The following MYO7B variants were observed in gnomAD, a reference collection of about 807,000 sequenced individuals.
MYO7B encodes myosin VIIB, also known as unconventional myosin-VIIb.
In MYO7B, 212 loss-of-function variants were observed where a neutral mutation model predicts 259.7. The ratio of observed to expected loss-of-function variants is 0.82; its 90% CI spans 0.73 to 0.91. The LOEUF (loss-of-function observed/expected upper bound fraction) is 0.91. Ranked by LOEUF, MYO7B falls within the 40% of genes least tolerant of loss-of-function variation. MYO7B has a pLI of 0.00. For synonymous variants in MYO7B, 1,197 were observed against 1,166.4 expected (o/e 1.03, Z -0.54); for missense variants, 2,732 against 2,813.5 (o/e 0.97, Z 0.66).
intron 5 of MYO7B, 121 bp downstream of exon 5, chr2:127,566,948 C>G: frequency 9.6e-7 from 1 of 1,037,064 alleles, no homozygotes; most frequent in Non-Finnish European, 1.4e-6. Flanking sequence ...CCCATCTCCA[C>G]AGCACACAAC....
In MYO7B at chr2:127,582,493, G is replaced by C. The variant is rs1329477382; in HGVS notation, c.1343+47G>C. ...GCCCCACTGCTTCCAGAAAACAGAA[G>C]ATAAGCAGCTCCTCTCGAAGGGGGC... On this transcript the variant is annotated intron_variant, in intron 12 of 47. Coordinates refer to ENST00000409816, the MANE Select transcript of MYO7B (RefSeq NM_001393586.1). 2.5e-6 allele frequency: 4 copies of C among 1,600,490 alleles called. No homozygotes were observed. The African/African-American group carries it at 4.0e-5, about 16-fold the overall frequency.
chr2:127,620,296 C>T, intron 26 of MYO7B, 44 bp from the exon 27 acceptor site: 1 of 1,571,364 alleles, frequency 6.4e-7, no homozygotes, highest in Non-Finnish European at 8.7e-7. Context: ...CTCCTCTCCT[C>T]CTCCAGCCCC....
chr2:127,629,102 G>A (rs1014173007), intron 34 of MYO7B, among the ~76,000 whole-genome samples: 2 of 152,244 alleles, frequency 1.3e-5, no homozygotes, highest in African/African-American at 4.8e-5. Context: ...ATGGGCGGTG[G>A]GTGGTGTGGT....
rs891086635 is a variant in MYO7B, at chr2:127,617,782, G to A, written c.3399-2558G>A. On this transcript the variant is annotated intron_variant, in intron 26 of 47. Transcript: ENST00000409816. ...CTCCCAAAGTGCTGGGATTACAGGC[G>A]TGAGCCACCGCGCCCGGCCTTGTAA... Among the ~76,000 whole-genome samples, 13 of 150,940 alleles carry A rather than the reference G, an allele frequency of 8.6e-5. No homozygotes were observed. The South Asian group carries it at 2.1e-3, about 24-fold the overall frequency.
In MYO7B at chr2:127,590,169, G is replaced by C. The variant is rs1407424405; in HGVS notation, c.1932G>C (p.Leu644=). 6.2e-7 allele frequency: 1 copy of C among 1,612,652 alleles called. No homozygotes were observed. Among genetic ancestry groups the C allele is most frequent in the Non-Finnish European group, 8.5e-7 (1 of 1,179,682 alleles). ...KQSLDQLMKI[L]TNCQPYFIRC... ...CTCTGGACCAGCTGATGAAAATCCT[G>C]ACCAACTGCCAGCCTTACTTCATCC... Residue 644 remains leucine (L), a synonymous_variant, in exon 16 of 48, where the codon CTG becomes CTC. Coordinates refer to ENST00000409816, the MANE Select transcript of MYO7B (RefSeq NM_001393586.1). This position sits in a 1 kb window ranked among gnomAD's most constrained non-coding sequence, Gnocchi z 4.6.
intron 26 of MYO7B, 47 bp downstream of exon 26, chr2:127,612,650 C>A (rs779119315): frequency 1.9e-6 from 3 of 1,591,616 alleles, no homozygotes; most frequent in South Asian, 2.3e-5. Context: ...ATCAGATGCC[C>A]TCACTGGCTC....
At chr2:127,620,142 G>C (rs2105072337) in intron 26 of MYO7B, 198 bp from the exon 27 acceptor site, 1 of 518,852 alleles carries the variant, frequency 1.9e-6, no homozygotes. Flanking sequence ...ACAGGCCATG[G>C]GAGAGGAATC....
At chr2:127,626,785 G>GA (rs1048706954) in intron 31 of MYO7B, 190 bp from the exon 32 acceptor site, 1,025 of 556,212 alleles carry the variant, frequency 1.8e-3, no homozygotes, top group Non-Finnish European at 2.1e-3. Flanking sequence ...TCTCAAAAAA[G>GA]AAAAAAAAAG....
At chr2:127,581,651 G>T (rs4662739) in intron 10 of MYO7B, among the ~76,000 whole-genome samples, 1 of 151,932 alleles carries the variant, frequency 6.6e-6, no homozygotes, top group Non-Finnish European at 1.5e-5. Flanking sequence ...CCAAGGCCAG[G>T]CTGGGGGAGC....
intron 39 of MYO7B, among the ~76,000 whole-genome samples, chr2:127,632,955 C>G (rs1681600318): frequency 1.3e-5 from 2 of 152,202 alleles, no homozygotes; most frequent in Non-Finnish European, 1.5e-5. Flanking sequence ...TGCCCGATGC[C>G]CCTGTTGTGC....
At chr2:127,587,284 T>C (rs1402885771) in intron 14 of MYO7B, among the ~76,000 whole-genome samples, 1 of 152,162 alleles carries the variant, frequency 6.6e-6, no homozygotes, top group Non-Finnish European at 1.5e-5. Flanking sequence ...TTCTTACTCA[T>C]GGCCGGAGGG....
rs1679622240 is a variant in MYO7B, at chr2:127,592,921, T to G, written c.2120T>G (p.Leu707Trp). The G allele has an allele frequency of 6.2e-7, 1 of 1,602,370 alleles. No individual in the cohort carries two copies. The highest frequency in any genetic ancestry group is 1.3e-5 in the African/African-American group (1 of 74,672). ...FEEFSQRFGV[L>W]LPNAMRMQLQ... ...GAGTTCTCGCAGAGGTTCGGCGTGT[T>G]GCTGCCCAACGCCATGCGGATGCAG... is the stretch of plus-strand genomic sequence containing the variant. The change falls in exon 17 of 48, where the codon TTG (leucine) becomes TGG (tryptophan). Residue 707 changes from leucine to tryptophan, a missense_variant. Coordinates refer to ENST00000409816, the MANE Select transcript of MYO7B (RefSeq NM_001393586.1).
Position 127,611,480 on chromosome 2 carries a change from T to C in MYO7B, c.3193-770T>C, listed in dbSNP as rs1411330954. Among the ~76,000 whole-genome samples, 2 of 152,206 alleles carry C rather than the reference T, an allele frequency of 1.3e-5. No individual in the cohort carries two copies. The highest frequency in any genetic ancestry group is 2.1e-4 in the South Asian group (1 of 4,830). On this transcript the variant is annotated intron_variant, in intron 24 of 47. Coordinates refer to ENST00000409816, the MANE Select transcript of MYO7B (RefSeq NM_001393586.1). The surrounding 1 kb of genome is among the most constrained non-coding windows in gnomAD (Gnocchi z 5.4). ...AGGTTTTCTGTCCTGCATGTGTTTA[T>C]TAAATATCCATGACGTGCCCCAGAC...
chr2:127,633,353 A>G lies in MYO7B; in HGVS notation c.5501A>G (p.Asp1834Gly), dbSNP rs1681625711. The change falls in exon 40 of 48, where the codon GAC (aspartate) becomes GGC (glycine). Residue 1834 changes from aspartate to glycine, a missense_variant. Asp to Gly is a moderately conservative substitution (Grantham distance 94, BLOSUM62 -1). Coordinates refer to ENST00000409816, the MANE Select transcript of MYO7B (RefSeq NM_001393586.1). ...RICHKIYFPNDTSEMLEVVAN... is the reference protein window; with the variant it reads ...RICHKIYFPNGTSEMLEVVAN... ...TGCCACAAGATCTACTTCCCCAATG[A>G]CACCAGTGAGGTGAGGCCCTGCTCT... The G allele has an allele frequency of 1.2e-6, 2 of 1,612,784 alleles. No homozygotes were observed.
At chr2:127,573,472 C>T (rs1678732149) in intron 6 of MYO7B, among the ~76,000 whole-genome samples, 1 of 152,218 alleles carries the variant, frequency 6.6e-6, no homozygotes, top group Admixed American at 6.5e-5. Flanking sequence ...GGCTTGGCCT[C>T]TCCGTATCAG....
intron 1 of MYO7B, among the ~76,000 whole-genome samples, chr2:127,538,357 G>A (rs1352116728): frequency 6.6e-6 from 1 of 152,198 alleles, no homozygotes; most frequent in Non-Finnish European, 1.5e-5. Flanking sequence ...CTAGCCACAA[G>A]TGGCTGTTGA....
At chr2:127,541,343 C>G (rs1193178173) in intron 1 of MYO7B, among the ~76,000 whole-genome samples, 1 of 152,232 alleles carries the variant, frequency 6.6e-6, no homozygotes, top group Non-Finnish European at 1.5e-5. Flanking sequence ...TATGCTGTCT[C>G]CAGATAGGCC....
intron 6 of MYO7B, among the ~76,000 whole-genome samples, chr2:127,573,155 C>A (rs1191439349): frequency 6.6e-6 from 1 of 152,132 alleles, no homozygotes; most frequent in Non-Finnish European, 1.5e-5. Flanking sequence ...TTTCATGGGA[C>A]TATGCTGGAT....
chr2:127,578,392 A>C, intron 9 of MYO7B, 106 bp downstream of exon 9: 2 of 1,393,726 alleles, frequency 1.4e-6, no homozygotes, highest in Non-Finnish European at 1.9e-6. Flanking sequence ...CTGTGGTCCA[A>C]CCCAGGCCTG....
Sources: allele counts gnomAD v4.1 joint callset (sites outside exome capture counted in the v4.1 genomes callset), GRCh38; gene constraint gnomAD v4.1.1; non-coding constraint Gnocchi (gnomAD v3.1); transcripts MANE v1.5; gene names NCBI Gene and HGNC (gene_info 2026-07-23, HGNC 2026-07-21).